Variants in CATIP observed in about 807,000 individuals in gnomAD.
CATIP encodes the protein ciliogenesis-associated TTC17-interacting protein.
Under a neutral mutation model 42.5 loss-of-function variants are expected in CATIP, and 40 were observed. The observed-to-expected ratio is 0.94, with a 90% confidence interval of 0.73 to 1.22. CATIP has a LOEUF of 1.22. Among genes scored for constraint, CATIP ranks in the 50% most tolerant of loss-of-function variants. The pLI, the probability that CATIP is intolerant of heterozygous loss-of-function variation, is 0.00. For synonymous variants in CATIP, 222 were observed against 200.2 expected (o/e 1.11, Z -0.92); for missense variants, 489 against 496.0 (o/e 0.99, Z 0.13).
intron 7 of CATIP, chr2:218,366,025 G>GC (rs1695420848): frequency 6.6e-6 from 1 of 152,202 alleles, no homozygotes; most frequent in African/African-American, 2.4e-5. Flanking sequence ...ATGTTGGCCA[G>GC]GCTGGTCTCA....
intron 4 of CATIP, 86 bp from the exon 5 acceptor site, chr2:218,360,485 TCA>T: frequency 1.0e-6 from 1 of 991,882 alleles, no homozygotes; most frequent in East Asian, 2.4e-5. Flanking sequence ...TCTTTAAACC[TCA>T]GTTTTCTCAT....
intron 7 of CATIP, among the ~76,000 whole-genome samples, chr2:218,365,240 C>T (rs917665516): frequency 6.6e-6 from 1 of 151,990 alleles, no homozygotes; most frequent in African/African-American, 2.4e-5. Context: ...CGGTGAAACC[C>T]CATCTCTACT....
At chr2:218,367,341 C>T (rs1695485415) in intron 8 of CATIP, 89 bp from the exon 9 acceptor site, 2 of 1,238,516 alleles carry the variant, frequency 1.6e-6, no homozygotes, top group Non-Finnish European at 2.4e-6. Flanking sequence ...TTCACCTGAG[C>T]CTTCTGTTTG....
At chr2:218,360,470 C>A in intron 4 of CATIP, 103 bp from the exon 5 acceptor site, 1 of 883,602 alleles carries the variant, frequency 1.1e-6, no homozygotes, top group Non-Finnish European at 1.8e-6. Context: ...TTTTTTAAGT[C>A]ACAATCTTTA....
chr2:218,362,038 G>C (rs908910595), intron 5 of CATIP, among the ~76,000 whole-genome samples: 1 of 151,918 alleles, frequency 6.6e-6, no homozygotes, highest in African/African-American at 2.4e-5. Flanking sequence ...AAAAGACAAG[G>C]ATTCATTCAT....
intron 6 of CATIP, 106 bp downstream of exon 6, chr2:218,363,008 G>A: frequency 9.2e-6 from 11 of 1,193,118 alleles, no homozygotes; most frequent in Non-Finnish European, 1.3e-5. Flanking sequence ...GGAGGCAGGT[G>A]GGGAGAAAAC....
rs775494004 is a variant in CATIP, at chr2:218,357,608, G to T, written c.193G>T (p.Glu65Ter). 1.2e-6 allele frequency: 2 copies of T among 1,614,106 alleles called. No individual in the cohort carries two copies. Among genetic ancestry groups the T allele is most frequent in the South Asian group, 2.2e-5 (2 of 91,088 alleles). Residue 65 changes from glutamate (E) to a stop codon, truncating the protein, a stop_gained, in exon 3 of 10, where the codon GAG becomes TAG. Coordinates refer to ENST00000289388, the MANE Select transcript of CATIP (RefSeq NM_198559.2). LOFTEE classifies it high-confidence loss of function. Reference sequence around the variant, plus strand: ...CTCAGACACCGGGGAGCCTCAGGGAGAGCTGACCATTGAGGTGCAGAGAGG... The same window carrying T: ...CTCAGACACCGGGGAGCCTCAGGGATAGCTGACCATTGAGGTGCAGAGAGG... Reference protein sequence around the residue: ...MVSDTGEPQGELTIEVQRGKY... With the variant: ...MVSDTGEPQG
intron 2 of CATIP, 27 bp downstream of exon 2, chr2:218,357,214 G>C: frequency 5.8e-6 from 9 of 1,555,152 alleles, no homozygotes; most frequent in Non-Finnish European, 8.0e-6. Context: ...TCGGGGTTGG[G>C]GGTGCGGGAG....
intron 4 of CATIP, among the ~76,000 whole-genome samples, chr2:218,358,610 G>A (rs540574948): frequency 6.6e-6 from 1 of 151,458 alleles, no homozygotes; most frequent in East Asian, 2.0e-4. Flanking sequence ...AATGGCTCAA[G>A]CCTATAATCC....
In CATIP at chr2:218,367,765, C is replaced by T; in HGVS notation, c.965C>T (p.Pro322Leu). Residue 322 changes from proline (P) to leucine (L), a missense_variant, in exon 10 of 10, where the codon CCC becomes CTC. Physicochemically the swap from Pro to Leu is moderately conservative, Grantham distance 98. Coordinates refer to ENST00000289388, the MANE Select transcript of CATIP (RefSeq NM_198559.2). ...CACGCCAGCTATCTGCGGCAGCACCCCGAAGCCCACGCGCTCATCTCCGAC... is the reference window on the plus strand; with the variant it reads ...CACGCCAGCTATCTGCGGCAGCACCTCGAAGCCCACGCGCTCATCTCCGAC... ...LGHASYLRQH[P>L]EAHALISDFL... is the part of the protein sequence containing the mutation. The T allele has an allele frequency of 6.2e-7, 1 of 1,610,640 alleles. No homozygotes were observed. Among genetic ancestry groups the T allele is most frequent in the Non-Finnish European group, 8.5e-7 (1 of 1,179,640 alleles).
At chr2:218,358,728 A>T (rs1695126548) in intron 4 of CATIP, among the ~76,000 whole-genome samples, 2 of 152,122 alleles carry the variant, frequency 1.3e-5, no homozygotes, top group South Asian at 4.2e-4. Context: ...TACAAAAAAT[A>T]CAAAAAGTAG....
intron 6 of CATIP, 85 bp from the exon 7 acceptor site, chr2:218,364,543 T>TG (rs1695356397): frequency 5.2e-6 from 8 of 1,538,602 alleles, no homozygotes; most frequent in Non-Finnish European, 7.0e-6. Context: ...TGTTATGAGA[T>TG]GGAGAAAAGG....
Position 218,357,569 on chromosome 2 carries a change from A to G in CATIP, c.154A>G (p.Thr52Ala). ...GCTACAGATGCTGTTCTTCTCTGAGACGCTGGCCATGGTCTCAGACACCGG... is the reference window on the plus strand; with the variant it reads ...GCTACAGATGCTGTTCTTCTCTGAGGCGCTGGCCATGGTCTCAGACACCGG... ...EELQMLFFSETLAMVSDTGEP... is the reference protein window; with the variant it reads ...EELQMLFFSEALAMVSDTGEP... The change falls in exon 3 of 10, where the codon ACG becomes GCG. Residue 52 changes from threonine to alanine, a missense_variant. Physicochemically the swap from Thr to Ala is moderately conservative, Grantham distance 58. Coordinates refer to ENST00000289388, the MANE Select transcript of CATIP (RefSeq NM_198559.2). The G allele has an allele frequency of 9.3e-6, 15 of 1,613,990 alleles. No homozygotes were observed. Among genetic ancestry groups the G allele is most frequent in the Non-Finnish European group, 1.3e-5 (15 of 1,179,978 alleles).
In CATIP at chr2:218,367,932, C is replaced by T. The variant is rs200865800; in HGVS notation, c.1132C>T (p.Pro378Ser). ...GCCCAACCCTTTCCGCTCCCTGGAG[C>T]CGGAGGGAGACGCCCGCTCGGGGGC... ...HRPNPFRSLE[P>S]EGDARSGAA Residue 378 changes from proline to serine, a missense_variant, in exon 10 of 10, where the codon CCG becomes TCG. Coordinates refer to ENST00000289388, the MANE Select transcript of CATIP (RefSeq NM_198559.2). 3 of 1,605,586 alleles carry T rather than the reference C, an allele frequency of 1.9e-6. No individual in the cohort carries two copies. Among genetic ancestry groups the T allele is most frequent in the East Asian group, 4.5e-5 (2 of 44,690 alleles).
chr2:218,364,816 C>A, intron 7 of CATIP, 64 bp downstream of exon 7: 2 of 1,555,746 alleles, frequency 1.3e-6, no homozygotes, highest in Non-Finnish European at 1.7e-6. Flanking sequence ...AGGAGACCGG[C>A]TGCTTCTGGG....
intron 8 of CATIP, 165 bp downstream of exon 8, chr2:218,367,265 G>A: frequency 1.3e-6 from 1 of 785,266 alleles, no homozygotes; most frequent in Non-Finnish European, 2.1e-6. Context: ...CAAGCAATAA[G>A]AGGAGGATCT....
At chr2:218,363,153 A>G (rs1348571299) in intron 6 of CATIP, among the ~76,000 whole-genome samples, 1 of 152,122 alleles carries the variant, frequency 6.6e-6, no homozygotes, top group Non-Finnish European at 1.5e-5. Flanking sequence ...TCAGTCCAGG[A>G]AAAATAAATA....
At chr2:218,365,430 A>G (rs890571912) in intron 7 of CATIP, 1 of 152,008 alleles carries the variant, frequency 6.6e-6, no homozygotes, top group Non-Finnish European at 1.5e-5. Context: ...AAAAGAAAGA[A>G]AAAGAAAATT....
At chr2:218,357,258 A>ACTCTCTCTCTCTCTCTCTCT in intron 2 of CATIP, 71 bp downstream of exon 2, 1 of 556,086 alleles carries the variant, frequency 1.8e-6, no homozygotes, top group Non-Finnish European at 2.7e-6. Flanking sequence ...AAGAAAGTCC[A>ACTCTCTCTCTCTCTCTCTCT]GTCTCTCTCT....
Sources: allele counts gnomAD v4.1 joint callset (sites outside exome capture counted in the v4.1 genomes callset), GRCh38; gene constraint gnomAD v4.1.1; transcripts MANE v1.5; gene names NCBI Gene and HGNC (gene_info 2026-07-23, HGNC 2026-07-21).